The following MYBL2 variants were observed in gnomAD, a reference collection of about 807,000 sequenced individuals.
MYBL2 encodes the protein MYB proto-oncogene like 2, also known as myb-related protein B.
MYBL2 carries 28 observed loss-of-function variants against 79.9 expected under a neutral mutation model. The ratio of observed to expected loss-of-function variants is 0.35; its 90% confidence interval spans 0.26 to 0.48. The LOEUF (loss-of-function observed/expected upper bound fraction) is 0.48, where lower values mean the gene tolerates loss of function less well. Among genes scored for constraint, MYBL2 ranks in the 20% least tolerant of loss-of-function variants. The pLI is 0.99. For synonymous variants in MYBL2, 378 were observed against 361.2 expected (o/e 1.05, Z -0.53); for missense variants, 735 against 893.9 (o/e 0.82, Z 2.27).
chr20:43,685,442 A>G (rs1003954417), intron 4 of MYBL2, among the ~76,000 whole-genome samples: 8 of 151,784 alleles, frequency 5.3e-5, no homozygotes, highest in East Asian at 2.0e-4. Context: ...CGACCTCCCA[A>G]AGTGCTTGGA....
intron 11 of MYBL2, 63 bp downstream of exon 11, chr20:43,711,664 C>G: frequency 7.0e-7 from 1 of 1,438,144 alleles, no homozygotes; most frequent in Non-Finnish European, 9.6e-7. Context: ...ATGGGGGAGG[C>G]GTCTGGGGAC....
chr20:43,704,272 T>TC (rs1439444060), intron 8 of MYBL2, among the ~76,000 whole-genome samples: 1 of 152,188 alleles, frequency 6.6e-6, no homozygotes. Context: ...TGCCTCGGCC[T>TC]CCCAAAGTGC....
chr20:43,699,576 C>T (rs1300393511), intron 6 of MYBL2, among the ~76,000 whole-genome samples, 181 bp from the exon 7 acceptor site: 1 of 152,180 alleles, frequency 6.6e-6, no homozygotes, highest in East Asian at 1.9e-4. Flanking sequence ...GTCAGCCTTT[C>T]TTAGTGTCAT....
At chr20:43,705,140 C>T (rs1987751654) in intron 8 of MYBL2, 79 bp from the exon 9 acceptor site, 1 of 1,543,332 alleles carries the variant, frequency 6.5e-7, no homozygotes, top group South Asian at 1.2e-5. Context: ...TCAAGGATCT[C>T]TCCCCATGAT....
At position 43,697,484 on chromosome 20, in the gene MYBL2, G is replaced by A. The variant is rs941776783; in HGVS notation, c.664-2273G>A. Among the ~76,000 whole-genome samples, 11 of 151,942 alleles carry A rather than the reference G, an allele frequency of 7.2e-5. No homozygotes were observed. The South Asian group carries it at 1.9e-3, about 26-fold the overall frequency. ...AAATTAACCGGGTGTGGTGGTGCAC[G>A]CCTGTAGTCCCAGCTGCTCAGGAGG... On this transcript the variant is annotated intron_variant, in intron 6 of 13. Coordinates refer to ENST00000217026, the MANE Select transcript of MYBL2 (RefSeq NM_002466.4).
At chr20:43,685,427 T>C (rs6031036) in intron 4 of MYBL2, among the ~76,000 whole-genome samples, 129,247 of 151,614 alleles carry the variant, frequency 0.85, 55,257 homozygotes, top group Non-Finnish European at 0.88. Flanking sequence ...GTGATCCACC[T>C]GCCTCGACCT....
chr20:43,684,854 CAAAAG>C (rs201676313), intron 4 of MYBL2, among the ~76,000 whole-genome samples: 9,755 of 146,418 alleles, frequency 0.067, 454 homozygotes, highest in African/African-American at 0.12. Flanking sequence ...AAAAAAAACA[CAAAAG>C]AAAACACCTG....
chr20:43,711,961 G>C (rs1987917501), intron 11 of MYBL2, among the ~76,000 whole-genome samples: 1 of 152,140 alleles, frequency 6.6e-6, no homozygotes, highest in Admixed American at 6.5e-5. Flanking sequence ...CACCATGACT[G>C]AATTCACAGG....
intron 1 of MYBL2, among the ~76,000 whole-genome samples, chr20:43,667,971 T>TG (rs1483650959): frequency 3.3e-5 from 5 of 151,976 alleles, no homozygotes; most frequent in African/African-American, 1.2e-4. Flanking sequence ...AGAGAGTCCC[T>TG]GGGGCAAAGG....
intron 6 of MYBL2, 117 bp downstream of exon 6, chr20:43,692,436 C>A: frequency 7.6e-7 from 1 of 1,313,788 alleles, no homozygotes; most frequent in Non-Finnish European, 1.0e-6. Context: ...TAAAAGTGGG[C>A]TCTGTGCTTC....
intron 9 of MYBL2, among the ~76,000 whole-genome samples, chr20:43,709,037 C>A (rs1306054847): frequency 6.6e-6 from 1 of 152,184 alleles, no homozygotes; most frequent in Non-Finnish European, 1.5e-5. Context: ...TGCATTTGTT[C>A]TAGTTTTTTA....
At chr20:43,713,852 G>T (rs1371651688) in intron 12 of MYBL2, among the ~76,000 whole-genome samples, 1 of 152,204 alleles carries the variant, frequency 6.6e-6, no homozygotes, top group Admixed American at 6.5e-5. Context: ...AGAAGCCAGG[G>T]TGTGCTGCTG....
At position 43,711,373 on chromosome 20, in the gene MYBL2, C is replaced by A. The variant is rs1987901747; in HGVS notation, c.1606-115C>A. On this transcript the variant is annotated intron_variant, in intron 10 of 13. Coordinates refer to ENST00000217026, the MANE Select transcript of MYBL2 (RefSeq NM_002466.4). ...GTGAGATCTGCATCCTGGCGTCAGGCCTCCTTCCTGCCTTACCCAGGACAG... is the reference window on the plus strand; with the variant it reads ...GTGAGATCTGCATCCTGGCGTCAGGACTCCTTCCTGCCTTACCCAGGACAG... 4 of 691,948 alleles carry A rather than the reference C, an allele frequency of 5.8e-6. No individual in the cohort carries two copies. The South Asian group carries it at 7.3e-5, about 13-fold the overall frequency. The allele number at this position is 691,948 out of a possible 1,614,324, so 42.9% of individuals were successfully genotyped here. A position where few individuals can be genotyped will look rare whatever the true frequency, so the allele number is the denominator to read the frequency against.
At position 43,702,756 on chromosome 20, in the gene MYBL2, G is replaced by A. The variant is rs148087874; in HGVS notation, c.1218G>A (p.Pro406=). Residue 406 remains proline (P), a synonymous_variant, in exon 8 of 14, where the codon CCG becomes CCA. Coordinates refer to ENST00000217026, the MANE Select transcript of MYBL2 (RefSeq NM_002466.4). ...TCGGGGGCTCTGGCATTGGCACACCGCCCTCTGTGCTCAAGCGGCAGAGGA... is the reference window on the plus strand; with the variant it reads ...TCGGGGGCTCTGGCATTGGCACACCACCCTCTGTGCTCAAGCGGCAGAGGA... The part of the protein sequence containing the change: ...TEVGGSGIGT[P]PSVLKRQRKR... 2,156 of 1,614,136 alleles carry A rather than the reference G, an allele frequency of 1.3e-3. 6 individuals are homozygous for A. Among genetic ancestry groups the A allele is most frequent in the Non-Finnish European group, 1.7e-3 (1,967 of 1,180,022 alleles).
At chr20:43,684,637 A>G (rs1158501473) in intron 4 of MYBL2, among the ~76,000 whole-genome samples, 1 of 150,968 alleles carries the variant, frequency 6.6e-6, no homozygotes, top group African/African-American at 2.4e-5. Flanking sequence ...TGGCCTCCCA[A>G]AGTTCTGGGA....
At chr20:43,696,788 G>C (rs1378424630) in intron 6 of MYBL2, among the ~76,000 whole-genome samples, 2 of 152,232 alleles carry the variant, frequency 1.3e-5, no homozygotes, top group Admixed American at 1.3e-4. Flanking sequence ...GTGCAGTGGT[G>C]TGACCTTGGC....
chr20:43,702,858 G>T lies in MYBL2; in HGVS notation c.1320G>T (p.Thr440=). Residue 440 remains threonine (T), a synonymous_variant, in exon 8 of 14, where the codon ACG becomes ACT. Coordinates refer to ENST00000217026, the MANE Select transcript of MYBL2 (RefSeq NM_002466.4). ...LSFLDSCNSL[T]PKSTPVKTLP... is the part of the protein sequence containing the mutation. ...TCCTGGATTCCTGTAACAGCCTCAC[G>T]CCCAAGAGCACACCTGTTAAGACCC... 6.2e-7 allele frequency: 1 copy of T among 1,611,284 alleles called. No homozygotes were observed.
rs1201867647 is a variant in MYBL2 at position 43,698,847 on chromosome 20, C to CT, written c.664-900dup. Among the ~76,000 whole-genome samples the CT allele has an allele frequency of 1.9e-3, 208 of 108,534 alleles. 2 individuals are homozygous for CT. The highest frequency in any genetic ancestry group is 6.3e-3 in the African/African-American group (185 of 29,586). The allele number at this position is 108,534 out of a possible 152,430, so 71.2% of individuals were successfully genotyped here. ...CCACACCCAGCCCCCTCCCCCCTCC[C>CT]TTTTTTTTTTATTAGAGTCTTGTTG... is the stretch of plus-strand genomic sequence containing the variant. On this transcript the variant is annotated intron_variant, in intron 6 of 13. Coordinates refer to ENST00000217026, the MANE Select transcript of MYBL2 (RefSeq NM_002466.4).
intron 4 of MYBL2, among the ~76,000 whole-genome samples, 165 bp from the exon 5 acceptor site, chr20:43,686,687 A>G (rs1229968844): frequency 6.6e-6 from 1 of 152,128 alleles, no homozygotes. Flanking sequence ...GGGCTACACA[A>G]AGTCATCCTG....
Sources: allele counts gnomAD v4.1 joint callset (sites outside exome capture counted in the v4.1 genomes callset), GRCh38; gene constraint gnomAD v4.1.1; transcripts MANE v1.5; gene names NCBI Gene and HGNC (gene_info 2026-07-23, HGNC 2026-07-21).